TUBE1: variants seen among roughly 807,000 people sequenced by gnomAD.
The protein encoded by TUBE1 is tubulin epsilon 1.
TUBE1 carries 34 observed loss-of-function variants against 53.5 expected under a neutral mutation model. That is an observed-to-expected ratio of 0.64 (90% CI 0.48 to 0.85). The LOEUF (loss-of-function observed/expected upper bound fraction) is 0.85, where lower values mean the gene tolerates loss of function less well. TUBE1 is among the 40% of genes least tolerant of loss of function. The probability of loss-of-function intolerance (pLI) is 0.00; values close to 1 mark genes in which losing one functional copy is unlikely to be tolerated. For synonymous variants in TUBE1, 177 were observed against 198.4 expected (o/e 0.89, Z 0.91); for missense variants, 532 against 570.5 (o/e 0.93, Z 0.69).
At chr6:112,077,775 TC>T (rs1776996328) in intron 6 of TUBE1, 1 of 151,900 alleles carries the variant, frequency 6.6e-6, no homozygotes, top group South Asian at 2.1e-4. Context: ...AGTTTTGATT[TC>T]ATTAAAAATA....
At chr6:112,084,775 T>C (rs770859029) in intron 3 of TUBE1, among the ~76,000 whole-genome samples, 125 of 152,344 alleles carry the variant, frequency 8.2e-4, no homozygotes, top group East Asian at 7.7e-4. Flanking sequence ...CCACCATTAA[T>C]GTAGTTTTCT....
At chr6:112,072,989 A>C (rs1173337710) in intron 9 of TUBE1, 91 bp from the exon 10 acceptor site, 1 of 1,153,702 alleles carries the variant, frequency 8.7e-7, no homozygotes, top group East Asian at 2.5e-5. Flanking sequence ...TAAGTAAGAA[A>C]CCACACTAAA....
At chr6:112,083,745 G>A (rs1163639006) in intron 4 of TUBE1, among the ~76,000 whole-genome samples, 1 of 152,204 alleles carries the variant, frequency 6.6e-6, no homozygotes, top group Non-Finnish European at 1.5e-5. Context: ...AAATAAGACT[G>A]TAAATATGGG....
chr6:112,083,358 G>A (rs1461013612), intron 4 of TUBE1, among the ~76,000 whole-genome samples: 21 of 142,070 alleles, frequency 1.5e-4, no homozygotes, highest in Non-Finnish European at 7.5e-5. Flanking sequence ...TCCCGCTGTC[G>A]CCCAGGTTGG....
At chr6:112,085,595 A>G (rs112166150) in intron 3 of TUBE1, 21 of 459,306 alleles carry the variant, frequency 4.6e-5, no homozygotes, top group Admixed American at 2.9e-4. Flanking sequence ...TGGGCTACAA[A>G]TAAGAGGGAA....
chr6:112,086,517 T>C (rs1360520557), intron 3 of TUBE1, 39 bp downstream of exon 3: 6 of 1,518,538 alleles, frequency 4.0e-6, no homozygotes, highest in Non-Finnish European at 5.4e-6. Flanking sequence ...TACTGAAACT[T>C]AAAGTATCAC....
chr6:112,075,905 A>C (rs1477692664), intron 8 of TUBE1, 32 bp downstream of exon 8: 1 of 1,522,476 alleles, frequency 6.6e-7, no homozygotes, highest in African/African-American at 1.4e-5. Flanking sequence ...AAAGCACAAT[A>C]AAGTTTTTTG....
At chr6:112,084,050 T>C in intron 4 of TUBE1, 139 bp downstream of exon 4, 1 of 671,632 alleles carries the variant, frequency 1.5e-6, no homozygotes. Context: ...AAATGTCTGC[T>C]TAGTTATATT....
intron 4 of TUBE1, among the ~76,000 whole-genome samples, chr6:112,082,020 CTGTT>C (rs1460929100): frequency 3.3e-5 from 5 of 152,048 alleles, no homozygotes; most frequent in Admixed American, 1.3e-4. Context: ...GATTTGTTAA[CTGTT>C]TGATTCAGTG....
chr6:112,071,339 T>C lies in TUBE1; in HGVS notation c.*73A>G. On this transcript the variant is annotated 3_prime_UTR_variant, in exon 12 of 12. Coordinates refer to ENST00000368662, the MANE Select transcript of TUBE1 (RefSeq NM_016262.5). Reference sequence around the variant, plus strand: ...TATGAAAAAACTGGAGTTTCCAAATTACAAAAATGTTGAAACAGAAAGGTC... The same window carrying C: ...TATGAAAAAACTGGAGTTTCCAAATCACAAAAATGTTGAAACAGAAAGGTC... The C allele has an allele frequency of 7.4e-7, 1 of 1,355,080 alleles. No individual in the cohort carries two copies. Among genetic ancestry groups the C allele is most frequent in the Non-Finnish European group, 9.7e-7 (1 of 1,031,314 alleles). The allele number at this position is 1,355,080 out of a possible 1,614,324, so 83.9% of individuals were successfully genotyped here. A position where few individuals can be genotyped will look rare whatever the true frequency, so the allele number is the denominator to read the frequency against.
chr6:112,081,811 A>C (rs1382153474), intron 4 of TUBE1, among the ~76,000 whole-genome samples: 17 of 150,344 alleles, frequency 1.1e-4, no homozygotes, highest in African/African-American at 2.2e-4. Flanking sequence ...AAAAAAAAAA[A>C]CAGAAAAAAA....
intron 3 of TUBE1, chr6:112,085,452 A>G (rs1554317186): frequency 6.2e-6 from 2 of 323,588 alleles, no homozygotes; most frequent in East Asian, 1.6e-4. Flanking sequence ...TCAACTATGT[A>G]ATACTCAATG....
intron 4 of TUBE1, among the ~76,000 whole-genome samples, chr6:112,082,841 T>C (rs1418808546): frequency 1.3e-5 from 2 of 152,268 alleles, no homozygotes; most frequent in East Asian, 3.9e-4. Context: ...CTGAACACAG[T>C]GAAGGGACCC....
chr6:112,082,123 G>C (rs1777081024), intron 4 of TUBE1, among the ~76,000 whole-genome samples: 2 of 152,062 alleles, frequency 1.3e-5, no homozygotes, highest in Admixed American at 1.3e-4. Flanking sequence ...AATTAACCAT[G>C]CTACTTCAAG....
rs1554317593 is a variant in TUBE1 at position 112,087,446 on chromosome 6, G to T, written c.-12C>A. The T allele has an allele frequency of 1.3e-6, 2 of 1,549,372 alleles. No homozygotes were observed. The highest frequency in any genetic ancestry group is 3.9e-5 in the Admixed American group (2 of 50,930). On this transcript the variant is annotated 5_prime_UTR_variant, in exon 1 of 12. Coordinates refer to ENST00000368662, the MANE Select transcript of TUBE1 (RefSeq NM_016262.5). ...ACCGACTGGGTCATGGTGGTGCGCC[G>T]CCGGCTCCGGGAGCTTGCTAGCCCG...
In TUBE1 at chr6:112,072,203, G is replaced by A. The variant is rs1554315457; in HGVS notation, c.1095-127C>T. On this transcript the variant is annotated intron_variant, in intron 10 of 11. Transcript: ENST00000368662. ...GGTATCAATCTACTTGCTTAGTTTA[G>A]ACGCTAAGTTATCTATTTTTTACTA... 4 of 643,334 alleles carry A rather than the reference G, an allele frequency of 6.2e-6. No individual in the cohort carries two copies. In the African/African-American group the frequency reaches 7.5e-5, roughly 12 times the overall value. The allele number at this position is 643,334 out of a possible 1,614,324, so 39.9% of individuals were successfully genotyped here. A position where few individuals can be genotyped will look rare whatever the true frequency, so the allele number is the denominator to read the frequency against.
At position 112,087,405 on chromosome 6, in the gene TUBE1, CT is replaced by C; in HGVS notation, c.25+4del. The C allele has an allele frequency of 6.4e-7, 1 of 1,551,330 alleles. No homozygotes were observed. The highest frequency in any genetic ancestry group is 8.7e-7 in the Non-Finnish European group (1 of 1,146,916). ...CCAGGTCTCTACCCGCCCGGCGTAGCTTACCCTGTACGACCACCGACTGGGT... is the reference window on the plus strand; with the variant it reads ...CCAGGTCTCTACCCGCCCGGCGTAGCTACCCTGTACGACCACCGACTGGGT... On this transcript the variant is annotated splice_donor_region_variant and intron_variant, in intron 1 of 11. Coordinates refer to ENST00000368662, the MANE Select transcript of TUBE1 (RefSeq NM_016262.5).
At chr6:112,085,389 G>A in intron 3 of TUBE1, 2 of 229,428 alleles carry the variant, frequency 8.7e-6, no homozygotes, top group Non-Finnish European at 1.8e-5. Context: ...GTAGATGAGA[G>A]TGTAGTTATG....
At chr6:112,076,771 GT>G (rs1479700656) in intron 6 of TUBE1, 1 of 240,738 alleles carries the variant, frequency 4.2e-6, no homozygotes. Context: ...GTCTACCTAT[GT>G]TGCCCAGGCT....
Sources: gnomAD v4.1 joint callset for allele counts (sites outside exome capture counted in the v4.1 genomes callset) on GRCh38, gnomAD v4.1.1 for gene constraint, MANE v1.5 for transcripts, NCBI Gene and HGNC (gene_info 2026-07-23, HGNC 2026-07-21) for gene names.